FGF14: variants seen among roughly 807,000 people sequenced by gnomAD.
FGF14 encodes the protein fibroblast growth factor homologous factor 4.
Under a neutral mutation model 25.5 loss-of-function variants are expected in FGF14, and 5 were observed. The observed-to-expected ratio is 0.20, with a 90% confidence interval of 0.10 to 0.41. The LOEUF (loss-of-function observed/expected upper bound fraction) is 0.41, where lower values mean the gene tolerates loss of function less well. FGF14 is among the 10% of genes least tolerant of loss of function. FGF14 has a pLI of 1.00. For synonymous variants in FGF14, 138 were observed against 118.3 expected (o/e 1.17, Z -1.08); for missense variants, 222 against 320.1 (o/e 0.69, Z 2.34).
intron 1 of FGF14, among the ~76,000 whole-genome samples, chr13:101,882,362 GA>G (rs1023492699): frequency 5.7e-4 from 84 of 148,502 alleles, no homozygotes; most frequent in African/African-American, 1.9e-3. Flanking sequence ...GACATCTGTC[GA>G]AAAAAAAATG....
chr13:101,870,948 T>A (rs2045031800), intron 2 of FGF14, among the ~76,000 whole-genome samples: 1 of 150,570 alleles, frequency 6.6e-6, no homozygotes, highest in African/African-American at 2.4e-5. Context: ...CGAAACTCCA[T>A]CTCAAAAATA....
intron 1 of FGF14, among the ~76,000 whole-genome samples, chr13:102,188,346 T>A (rs1326056116): frequency 6.6e-6 from 1 of 152,108 alleles, no homozygotes; most frequent in African/African-American, 2.4e-5. Flanking sequence ...GTGAAAGCAA[T>A]ATAGCATTGT....
chr13:102,023,000 C>T (rs114433732), intron 1 of FGF14, among the ~76,000 whole-genome samples: 104 of 151,538 alleles, frequency 6.9e-4, no homozygotes, highest in African/African-American at 2.3e-3. Flanking sequence ...AAAGAATTTA[C>T]AGTCAATTAG....
chr13:102,021,783 T>C (rs1238990117), intron 1 of FGF14, among the ~76,000 whole-genome samples: 1 of 152,040 alleles, frequency 6.6e-6, no homozygotes, highest in East Asian at 1.9e-4. Flanking sequence ...TGGGACCTAA[T>C]GTGTGTATCT....
intron 1 of FGF14, among the ~76,000 whole-genome samples, chr13:102,027,771 T>C (rs1484512705): frequency 6.6e-6 from 1 of 152,032 alleles, no homozygotes; most frequent in Non-Finnish European, 1.5e-5. Context: ...TGTGTGTGTC[T>C]TCATGCTTGA....
At chr13:101,958,834 C>T (rs1266642842) in intron 1 of FGF14, among the ~76,000 whole-genome samples, 3 of 152,190 alleles carry the variant, frequency 2.0e-5, no homozygotes, top group African/African-American at 7.2e-5. Flanking sequence ...GTCACTGCGC[C>T]TCCACCAAAA....
intron 1 of FGF14, among the ~76,000 whole-genome samples, chr13:101,983,182 C>T (rs1160193338): frequency 2.0e-5 from 3 of 151,610 alleles, no homozygotes; most frequent in Non-Finnish European, 4.4e-5. Context: ...TGCTTATTAC[C>T]CAGATCATTT....
chr13:101,916,576 G>A lies in FGF14; in HGVS notation c.70C>T (p.Pro24Ser), dbSNP rs746335045. The change falls in exon 1 of 5, where the codon CCG (proline) becomes TCG (serine). Residue 24 changes from proline to serine, a missense_variant. Transcript: ENST00000376143. ...RQAREQHWDR[P>S]SASRRRSSPS... ...CTGCTCCGCCTCCTGCTGGCAGACG[G>A]CCGGTCCCAGTGCTGCTCCCGCGCC... 17 of 1,608,928 alleles carry A rather than the reference G, an allele frequency of 1.1e-5. No individual in the cohort carries two copies. Among genetic ancestry groups the A allele is most frequent in the Non-Finnish European group, 1.4e-5 (16 of 1,178,250 alleles).
At position 101,722,634 on chromosome 13, in the gene FGF14, A is replaced by T; in HGVS notation, c.*197T>A. On this transcript the variant is annotated 3_prime_UTR_variant, in exon 5 of 5. Transcript: ENST00000376143. ...TTCCATGGTCTGAGTTTAGCTGGTT[A>T]TCCAGGTGTCTTCTTGTTGTGGGGG... The T allele has an allele frequency of 1.5e-6, 1 of 666,840 alleles. No individual in the cohort carries two copies. Among genetic ancestry groups the T allele is most frequent in the East Asian group, 2.8e-5 (1 of 35,870 alleles). The allele number at this position is 666,840 out of a possible 1,614,324, so 41.3% of individuals were successfully genotyped here. A position where few individuals can be genotyped will look rare whatever the true frequency, so the allele number is the denominator to read the frequency against.
chr13:101,915,723 G>A (rs572315940), intron 1 of FGF14, among the ~76,000 whole-genome samples: 4 of 152,110 alleles, frequency 2.6e-5, no homozygotes, highest in Non-Finnish European at 4.4e-5. Flanking sequence ...CAGGCAATTC[G>A]CCAGTTTTTC....
At chr13:102,398,897 A>ATAAT (rs1555411564) in intron 1 of FGF14, among the ~76,000 whole-genome samples, 1 of 147,262 alleles carries the variant, frequency 6.8e-6, no homozygotes, top group African/African-American at 2.5e-5. Context: ...TATAATATAT[A>ATAAT]ATATATATAT....
intron 1 of FGF14, among the ~76,000 whole-genome samples, chr13:102,364,290 A>G (rs2057648242): frequency 6.6e-6 from 1 of 152,236 alleles, no homozygotes; most frequent in African/African-American, 2.4e-5. Context: ...TTTAAGAGCA[A>G]CCAGGATGCT....
intron 1 of FGF14, among the ~76,000 whole-genome samples, chr13:102,254,867 T>G (rs1463181885): frequency 1.3e-5 from 2 of 152,172 alleles, no homozygotes; most frequent in Non-Finnish European, 2.9e-5. Flanking sequence ...AATATAGAGA[T>G]TGCAGGCTAT....
rs372772553 is a variant in FGF14, at chr13:102,148,103, C to T, written c.208+253368G>A. On this transcript the variant is annotated intron_variant, in intron 1 of 4. Transcript: ENST00000376131. ...AAGGCTATAAGAGATAATGTGTCAA[C>T]GGTCCCTGCATCGAAAATGAAAGTT... Among the ~76,000 whole-genome samples the T allele has an allele frequency of 4.6e-5, 7 of 152,192 alleles. No homozygotes were observed. The South Asian group carries it at 8.3e-4, about 18-fold the overall frequency.
At chr13:101,773,907 T>C (rs2038936388) in intron 3 of FGF14, among the ~76,000 whole-genome samples, 1 of 149,646 alleles carries the variant, frequency 6.7e-6, no homozygotes, top group Non-Finnish European at 1.5e-5. Context: ...TCTTGATGTA[T>C]TATCTCCTAT....
chr13:102,312,723 T>TGTTTG (rs2055834847), intron 1 of FGF14, among the ~76,000 whole-genome samples: 1 of 152,202 alleles, frequency 6.6e-6, no homozygotes, highest in Non-Finnish European at 1.5e-5. Flanking sequence ...TGTATTGTTT[T>TGTTTG]GTTTTGTTTT....
chr13:101,987,491 C>A (rs913458553), intron 1 of FGF14, among the ~76,000 whole-genome samples: 1 of 152,040 alleles, frequency 6.6e-6, no homozygotes, highest in African/African-American at 2.4e-5. Flanking sequence ...TCATCACTTC[C>A]CTGCCCTTTT....
In FGF14 at chr13:101,756,461, A is replaced by G. The variant is rs1383946359; in HGVS notation, c.409-29651T>C. The stretch of plus-strand genomic sequence containing the variant: ...CTTTAAAATAGTCTTAAAGCCAGGC[A>G]CGGTGGCTCACGCCTGTAATCCCAG... On this transcript the variant is annotated intron_variant, in intron 3 of 4. Transcript: ENST00000376143. Among the ~76,000 whole-genome samples the G allele has an allele frequency of 2.6e-5, 4 of 152,130 alleles. No individual in the cohort carries two copies. In the East Asian group the frequency reaches 5.8e-4, roughly 22 times the overall value.
chr13:102,298,153 C>T (rs1044543033), intron 1 of FGF14, among the ~76,000 whole-genome samples: 1 of 152,036 alleles, frequency 6.6e-6, no homozygotes, highest in African/African-American at 2.4e-5. Context: ...TGTTCTCATG[C>T]CATAAACGAC....
Sources: allele counts gnomAD v4.1 joint callset (sites outside exome capture counted in the v4.1 genomes callset), GRCh38; gene constraint gnomAD v4.1.1; transcripts MANE v1.5; gene names NCBI Gene and HGNC (gene_info 2026-07-23, HGNC 2026-07-21).